The following CIT variants were observed in gnomAD, a reference collection of about 807,000 sequenced individuals.
CIT encodes the protein citron rho-interacting serine/threonine kinase, also known as citron Rho-interacting kinase.
CIT carries 79 observed loss-of-function variants against 272.7 expected under a neutral mutation model. The observed-to-expected ratio is 0.29, with a 90% CI of 0.24 to 0.35. The LOEUF is 0.35. Among genes scored for constraint, CIT ranks in the 10% least tolerant of loss-of-function variants. CIT has a pLI of 1.00. For missense variants in CIT, 1,909 were observed against 2,618.3 expected, an observed-to-expected ratio of 0.73 and a Z score of 5.91; for synonymous variants, 948 against 995.6, an observed-to-expected ratio of 0.95 and a Z score of 0.90.
intron 10 of CIT, among the ~76,000 whole-genome samples, chr12:119,792,720 G>A (rs1167112986): frequency 1.3e-5 from 2 of 152,146 alleles, no homozygotes; most frequent in Non-Finnish European, 2.9e-5. Flanking sequence ...TGATCCACCC[G>A]CCTCGGCCTC....
chr12:119,792,436 C>T (rs1453661644), intron 10 of CIT, among the ~76,000 whole-genome samples: 1 of 152,096 alleles, frequency 6.6e-6, no homozygotes, highest in African/African-American at 2.4e-5. Flanking sequence ...AATATACTGG[C>T]TTTTAAGATT....
chr12:119,872,662 T>G (rs111656012), intron 2 of CIT, among the ~76,000 whole-genome samples: 6 of 152,316 alleles, frequency 3.9e-5, no homozygotes, highest in African/African-American at 1.4e-4. Flanking sequence ...TGTGGCCCAA[T>G]GGCTATGTGG....
chr12:119,724,475 G>A (rs1281277648), intron 28 of CIT, among the ~76,000 whole-genome samples: 1 of 152,170 alleles, frequency 6.6e-6, no homozygotes, highest in Non-Finnish European at 1.5e-5. Context: ...TGAAAAATGG[G>A]TTGGGATGTC....
chr12:119,869,263 T>C, intron 2 of CIT, 62 bp from the exon 3 acceptor site: 7 of 1,503,556 alleles, frequency 4.7e-6, no homozygotes, highest in Non-Finnish European at 6.3e-6. Flanking sequence ...ATCAATAACA[T>C]CCACACAGAG....
chr12:119,746,876 G>A (rs1294332186), intron 23 of CIT, among the ~76,000 whole-genome samples: 1 of 152,168 alleles, frequency 6.6e-6, no homozygotes, highest in Non-Finnish European at 1.5e-5. Flanking sequence ...AAAATGGTAA[G>A]TCATATGCTT....
intron 9 of CIT, among the ~76,000 whole-genome samples, chr12:119,809,044 T>C (rs1455102687): frequency 6.6e-6 from 1 of 152,150 alleles, no homozygotes; most frequent in African/African-American, 2.4e-5. Context: ...TGCAGGAAAG[T>C]GTCACGGAGG....
intron 2 of CIT, among the ~76,000 whole-genome samples, chr12:119,874,058 GTTTTC>G (rs1030209739): frequency 2.6e-5 from 4 of 151,560 alleles, no homozygotes; most frequent in African/African-American, 4.8e-5. Flanking sequence ...TATTTTTTTT[GTTTTC>G]TTTTGTTTTG....
intron 9 of CIT, among the ~76,000 whole-genome samples, chr12:119,817,886 G>A (rs1177639728): frequency 6.6e-6 from 1 of 151,082 alleles, no homozygotes; most frequent in Non-Finnish European, 1.5e-5. Context: ...ACCAGCCTGG[G>A]CAAAGATGGC....
chr12:119,831,652 G>A (rs747350996), intron 7 of CIT, among the ~76,000 whole-genome samples: 2 of 152,186 alleles, frequency 1.3e-5, no homozygotes, highest in African/African-American at 2.4e-5. Flanking sequence ...AGTGGATCAC[G>A]AGGTCAGGAG....
Position 119,712,146 on chromosome 12 carries a change from A to T in CIT, c.4854+32T>A. 6.5e-7 allele frequency: 1 copy of T among 1,545,210 alleles called. No homozygotes were observed. The highest frequency in any genetic ancestry group is 8.7e-7 in the Non-Finnish European group (1 of 1,145,604). The stretch of plus-strand genomic sequence containing the variant: ...GTTACCAAGTCAGCCCCCTTTACAA[A>T]GACAACCTCCAGGGCCCGCTTTCAT... On this transcript the variant is annotated intron_variant, in intron 37 of 47. Coordinates refer to ENST00000392521, the MANE Select transcript of CIT (RefSeq NM_001206999.2). This position sits in a 1 kb window ranked among gnomAD's most constrained non-coding sequence, Gnocchi z 5.2.
chr12:119,747,944 G>T (rs1394365146), intron 23 of CIT, among the ~76,000 whole-genome samples: 2 of 152,054 alleles, frequency 1.3e-5, no homozygotes, highest in Non-Finnish European at 2.9e-5. Context: ...CAGGCGAATT[G>T]CTTGAGCCCA....
chr12:119,776,998 T>C (rs959875544), intron 13 of CIT, among the ~76,000 whole-genome samples, 156 bp from the exon 14 acceptor site: 1 of 152,210 alleles, frequency 6.6e-6, no homozygotes, highest in Non-Finnish European at 1.5e-5. Flanking sequence ...CTCACGCCTG[T>C]AATCCCAGCA....
In CIT at chr12:119,690,140, T is replaced by C. The variant is rs746472962; in HGVS notation, c.6186+11A>G. 2.1e-6 allele frequency: 3 copies of C among 1,456,838 alleles called. No individual in the cohort carries two copies. The highest frequency in any genetic ancestry group is 1.5e-5 in the South Asian group (1 of 64,706). 90.2% of individuals were successfully genotyped at this position (1,456,838 alleles called of 1,614,324 possible). A position where few individuals can be genotyped will look rare whatever the true frequency, so the allele number is the denominator to read the frequency against. ...CGCAACAGACACACAGGCCTCGGAA[T>C]GCTGCCTCACCTTGTTCACCTGGGA... On this transcript the variant is annotated intron_variant, in intron 47 of 47. Transcript: ENST00000392521. The surrounding 1 kb of genome is among the most constrained non-coding windows in gnomAD (Gnocchi z 6.0).
At chr12:119,832,637 T>C in intron 7 of CIT, 134 bp downstream of exon 7, 2 of 649,056 alleles carry the variant, frequency 3.1e-6, no homozygotes, top group Non-Finnish European at 5.4e-6. Context: ...TCTGTGTCCC[T>C]GTCCCCACCC....
intron 16 of CIT, among the ~76,000 whole-genome samples, chr12:119,775,175 A>T (rs984698684): frequency 2.6e-5 from 4 of 151,852 alleles, no homozygotes; most frequent in African/African-American, 9.7e-5. Context: ...CAGGGGGCTG[A>T]GGCAAGAGAA....
In CIT at chr12:119,712,120, AGTT is replaced by A; in HGVS notation, c.4854+55_4854+57del. 6.7e-7 allele frequency: 1 copy of A among 1,494,710 alleles called. No individual in the cohort carries two copies. Among genetic ancestry groups the A allele is most frequent in the Non-Finnish European group, 9.0e-7 (1 of 1,110,566 alleles). The allele number at this position is 1,494,710 out of a possible 1,614,324, so 92.6% of individuals were successfully genotyped here. Reference sequence around the variant, plus strand: ...CAATGGGATTCTCGTCGTTAACACCAGTTACCAAGTCAGCCCCCTTTACAAAGA... The same window carrying A: ...CAATGGGATTCTCGTCGTTAACACCAACCAAGTCAGCCCCCTTTACAAAGA... On this transcript the variant is annotated intron_variant, in intron 37 of 47. Transcript: ENST00000392521. The surrounding 1 kb of genome is among the most constrained non-coding windows in gnomAD (Gnocchi z 5.2).
intron 2 of CIT, among the ~76,000 whole-genome samples, chr12:119,875,099 T>C (rs1950803840): frequency 6.6e-6 from 1 of 152,180 alleles, no homozygotes; most frequent in African/African-American, 2.4e-5. Context: ...GCCCAGGAAT[T>C]CGAGACCTGC....
At chr12:119,771,954 A>G (rs203330) in intron 17 of CIT, among the ~76,000 whole-genome samples, 84,099 of 151,894 alleles carry the variant, frequency 0.55, 23,593 homozygotes, top group African/African-American at 0.62. Context: ...CCAGCTTGCC[A>G]GGGAAGAGAC....
chr12:119,850,403 G>C, intron 4 of CIT, 128 bp from the exon 5 acceptor site: 2 of 396,212 alleles, frequency 5.0e-6, no homozygotes, highest in Non-Finnish European at 8.8e-6. Flanking sequence ...AAGGAAAGAA[G>C]GGAAAAGAAA....
Sources: gnomAD v4.1 joint callset for allele counts (sites outside exome capture counted in the v4.1 genomes callset) on GRCh38, gnomAD v4.1.1 for gene constraint, Gnocchi (gnomAD v3.1) non-coding constraint, MANE v1.5 for transcripts, NCBI Gene and HGNC (gene_info 2026-07-23, HGNC 2026-07-21) for gene names.